The following TRAF1 variants were observed in gnomAD, a reference collection of about 807,000 sequenced individuals.
TRAF1 encodes the protein TNF receptor-associated factor 1.
TRAF1 carries 23 observed loss-of-function variants against 40.9 expected under a neutral mutation model. That is an observed-to-expected ratio of 0.56 (90% confidence interval 0.40 to 0.80). TRAF1 has a LOEUF of 0.80. Ranked by LOEUF, TRAF1 falls within the 30% of genes least tolerant of loss-of-function variation. The pLI, the probability that TRAF1 is intolerant of heterozygous loss-of-function variation, is 0.00. For synonymous variants in TRAF1, 206 were observed against 218.8 expected, an observed-to-expected ratio of 0.94 and a Z score of 0.52; for missense variants, 477 against 528.7, an observed-to-expected ratio of 0.90 and a Z score of 0.96.
Position 120,923,563 on chromosome 9 carries a change from T to C in TRAF1, c.228+142A>G, listed in dbSNP as rs1329949169. 11 of 739,358 alleles carry C rather than the reference T, an allele frequency of 1.5e-5. No individual in the cohort carries two copies. The highest frequency in any genetic ancestry group is 5.0e-4 in the Middle Eastern group (2 of 4,006). 45.8% of individuals were successfully genotyped at this position (739,358 alleles called of 1,614,324 possible). On this transcript the variant is annotated intron_variant, in intron 3 of 7. Coordinates refer to ENST00000373887, the MANE Select transcript of TRAF1 (RefSeq NM_005658.5). Reference sequence around the variant, plus strand: ...ACCACTGTGAACATCAGTCTCCTTATTCCTTATAAAGCAAATTCAGTCTGG... The same window carrying C: ...ACCACTGTGAACATCAGTCTCCTTACTCCTTATAAAGCAAATTCAGTCTGG...
chr9:120,906,244 A>G (rs1266960814), intron 7 of TRAF1, among the ~76,000 whole-genome samples: 1 of 149,212 alleles, frequency 6.7e-6, no homozygotes, highest in Non-Finnish European at 1.5e-5. Flanking sequence ...CAATGGCACA[A>G]TCTTGGCTAA....
At position 120,904,506 on chromosome 9, in the gene TRAF1, T is replaced by C. The variant is rs2046464020; in HGVS notation, c.*514A>G. 6.4e-6 allele frequency: 1 copy of C among 155,710 alleles called. No homozygotes were observed. The allele number at this position is 155,710 out of a possible 1,614,324, so 9.6% of individuals were successfully genotyped here. On this transcript the variant is annotated 3_prime_UTR_variant, in exon 8 of 8. Coordinates refer to ENST00000373887, the MANE Select transcript of TRAF1 (RefSeq NM_005658.5). ...TGAAGTCCTAGTGGAGCCGTCTGGG[T>C]TTGCTTGTTCACCTCCAATGACGAG...
Position 120,926,035 on chromosome 9 carries a change from T to C in TRAF1, c.41A>G (p.Asp14Gly). The C allele has an allele frequency of 6.2e-7, 1 of 1,611,184 alleles. No individual in the cohort carries two copies. The highest frequency in any genetic ancestry group is 2.2e-5 in the East Asian group (1 of 44,758). The change falls in exon 2 of 8, where the codon GAT (aspartate) becomes GGT (glycine). Residue 14 changes from aspartate (D) to glycine (G), a missense_variant. By Grantham distance (94) the Asp-to-Gly change is moderately conservative (BLOSUM62 -1). Coordinates refer to ENST00000373887, the MANE Select transcript of TRAF1 (RefSeq NM_005658.5). ...GCACCCAAAGGGAAACTCATTCTCA[T>C]CAGGGGCCGGGCGAGGACTGCTGCC... The part of the protein sequence containing the change: ...SSGSSPRPAP[D>G]ENEFPFGCPP...
intron 7 of TRAF1, among the ~76,000 whole-genome samples, chr9:120,908,817 C>A (rs1564117095): frequency 6.6e-6 from 1 of 152,128 alleles, no homozygotes; most frequent in South Asian, 2.1e-4. Flanking sequence ...GCCTCGGCCT[C>A]CCAAATTGTT....
intron 3 of TRAF1, among the ~76,000 whole-genome samples, chr9:120,917,700 G>A (rs2046578099): frequency 6.6e-6 from 1 of 152,034 alleles, no homozygotes; most frequent in Non-Finnish European, 1.5e-5. Context: ...TTGGCTTGTG[G>A]TCCCTTCCTC....
At chr9:120,919,698 C>T (rs1234178315) in intron 3 of TRAF1, among the ~76,000 whole-genome samples, 1 of 152,214 alleles carries the variant, frequency 6.6e-6, no homozygotes, top group Non-Finnish European at 1.5e-5. Context: ...CTCTGTCAGC[C>T]TCTGCTCAGC....
At chr9:120,918,024 A>C (rs925152054) in intron 3 of TRAF1, among the ~76,000 whole-genome samples, 6 of 152,126 alleles carry the variant, frequency 3.9e-5, no homozygotes, top group Non-Finnish European at 7.4e-5. Flanking sequence ...GGAAGGGGAA[A>C]TTTGAAGAAG....
rs1285631056 is a variant in TRAF1 at position 120,909,270 on chromosome 9, CCT to C, written c.990_991del (p.Glu332ValfsTer2). 1.2e-6 allele frequency: 2 copies of C among 1,614,166 alleles called. No individual in the cohort carries two copies. The highest frequency in any genetic ancestry group is 2.2e-5 in the South Asian group (2 of 91,084). ...CCACGGCAGCAGCGCATCATACTCCCCTCTCATGATCACGATGAAGAGCGACA... is the reference window on the plus strand; with the variant it reads ...CCACGGCAGCAGCGCATCATACTCCCCTCATGATCACGATGAAGAGCGACA... On this transcript the variant is annotated frameshift_variant, in exon 7 of 8. Transcript: ENST00000373887. LOFTEE classifies it high-confidence loss of function.
chr9:120,929,157 A>C (rs917212395), upstream of TRAF1: 1 of 152,108 alleles, frequency 6.6e-6, no homozygotes, highest in Non-Finnish European at 1.5e-5. The surrounding 1 kb of genome is among the most constrained non-coding windows in gnomAD (Gnocchi z 4.5). Flanking sequence ...CCAGGCCCGG[A>C]GCTTCCGGTG....
Position 120,926,238 on chromosome 9 carries a change from C to T in TRAF1, c.-163G>A. 2 of 712,714 alleles carry T rather than the reference C, an allele frequency of 2.8e-6. No homozygotes were observed. The highest frequency in any genetic ancestry group is 2.6e-5 in the South Asian group (1 of 38,620). The allele number at this position is 712,714 out of a possible 1,614,324, so 44.1% of individuals were successfully genotyped here. On this transcript the variant is annotated 5_prime_UTR_variant, in exon 2 of 8. In the 5' UTR this introduces an upstream ATG that the reference lacks. Coordinates refer to ENST00000373887, the MANE Select transcript of TRAF1 (RefSeq NM_005658.5). ...GTGGTTCAACGTCACAGCTGAGTCA[C>T]AGCAGGGATGGAGCAGGAATTACCC...
intron 7 of TRAF1, among the ~76,000 whole-genome samples, chr9:120,906,295 T>G (rs1441597197): frequency 1.3e-5 from 2 of 150,132 alleles, no homozygotes; most frequent in African/African-American, 4.9e-5. Flanking sequence ...TTCTCCTGAC[T>G]CAGCCTCCCA....
At chr9:120,910,412 T>C (rs2046517500) in intron 6 of TRAF1, among the ~76,000 whole-genome samples, 1 of 152,016 alleles carries the variant, frequency 6.6e-6, no homozygotes. Flanking sequence ...TAAAAAAAAA[T>C]TGTTTTTTGA....
intron 7 of TRAF1, among the ~76,000 whole-genome samples, chr9:120,908,686 AG>A (rs1434890711): frequency 6.6e-6 from 1 of 152,018 alleles, no homozygotes; most frequent in Non-Finnish European, 1.5e-5. Flanking sequence ...CAGCCTCCCC[AG>A]TAGCTGGGAT....
chr9:120,928,693 G>A (rs2046656218), upstream of TRAF1: 1 of 152,260 alleles, frequency 6.6e-6, no homozygotes, highest in South Asian at 2.1e-4. Context: ...AAGTCTCCGT[G>A]GGCCGCCCCA....
chr9:120,904,159 C>T lies in TRAF1; in HGVS notation c.*861G>A, dbSNP rs1208031287. On this transcript the variant is annotated 3_prime_UTR_variant, in exon 8 of 8. Coordinates refer to ENST00000373887, the MANE Select transcript of TRAF1 (RefSeq NM_005658.5). Reference sequence around the variant, plus strand: ...CTTCTTCTTGAGGTGCCTCTGGCTGCACCTGGGAGCTCACAGTGACTGGGT... The same window carrying T: ...CTTCTTCTTGAGGTGCCTCTGGCTGTACCTGGGAGCTCACAGTGACTGGGT... 2.0e-5 allele frequency: 3 copies of T among 152,158 alleles called. No homozygotes were observed. Among genetic ancestry groups the T allele is most frequent in the Non-Finnish European group, 2.9e-5 (2 of 68,062 alleles). The allele number at this position is 152,158 out of a possible 1,614,324, so 9.4% of individuals were successfully genotyped here.
In TRAF1 at chr9:120,903,824, C is replaced by T. The variant is rs1391396044; in HGVS notation, c.*1196G>A. The T allele has an allele frequency of 6.6e-6, 1 of 152,212 alleles. No homozygotes were observed. The highest frequency in any genetic ancestry group is 1.5e-5 in the Non-Finnish European group (1 of 68,060). 9.4% of individuals were successfully genotyped at this position (152,212 alleles called of 1,614,324 possible). ...CATTATAGAAAAGAGAAGACTGGGGCTAAGAGGGGATGTTCCTGCCAGCAT... is the reference window on the plus strand; with the variant it reads ...CATTATAGAAAAGAGAAGACTGGGGTTAAGAGGGGATGTTCCTGCCAGCAT... On this transcript the variant is annotated 3_prime_UTR_variant, in exon 8 of 8. Coordinates refer to ENST00000373887, the MANE Select transcript of TRAF1 (RefSeq NM_005658.5).
intron 2 of TRAF1, among the ~76,000 whole-genome samples, chr9:120,924,406 CT>C (rs1245000698): frequency 6.6e-6 from 1 of 151,790 alleles, no homozygotes; most frequent in East Asian, 1.9e-4. Flanking sequence ...GGTTTTTTGT[CT>C]GTTTTTTGGG....
At chr9:120,912,290 C>A (rs928321644) in intron 5 of TRAF1, among the ~76,000 whole-genome samples, 1 of 152,062 alleles carries the variant, frequency 6.6e-6, no homozygotes, top group African/African-American at 2.4e-5. Flanking sequence ...AAAATCCAGG[C>A]CTAACTCAAT....
intron 2 of TRAF1, 23 bp downstream of exon 2, chr9:120,925,913 C>T: frequency 6.2e-7 from 1 of 1,613,412 alleles, no homozygotes; most frequent in Admixed American, 1.7e-5. Context: ...TTCTGCCCAC[C>T]CTCCGCTCCT....
Sources: gnomAD v4.1 joint callset for allele counts (sites outside exome capture counted in the v4.1 genomes callset) on GRCh38, gnomAD v4.1.1 for gene constraint, Gnocchi (gnomAD v3.1) non-coding constraint, MANE v1.5 for transcripts, NCBI Gene and HGNC (gene_info 2026-07-23, HGNC 2026-07-21) for gene names.